The following PCLO variants were observed in gnomAD, a reference collection of about 807,000 sequenced individuals.
PCLO encodes piccolo presynaptic cytomatrix protein, also known as protein piccolo.
PCLO carries 82 observed loss-of-function variants against 427.5 expected under a neutral mutation model. That is an observed-to-expected ratio of 0.19 (90% CI 0.16 to 0.23). The LOEUF is 0.23. PCLO is among the 10% of genes least tolerant of loss of function. PCLO has a pLI of 1.00. For synonymous variants in PCLO, 2,357 were observed against 2,155.4 expected (o/e 1.09, Z -2.59); for missense variants, 6,239 against 6,115.9 (o/e 1.02, Z -0.67).
chr7:83,036,184 C>A (rs1240120148), intron 3 of PCLO, among the ~76,000 whole-genome samples: 2 of 152,144 alleles, frequency 1.3e-5, no homozygotes, highest in Non-Finnish European at 2.9e-5. Flanking sequence ...TTACAAAACA[C>A]CTTCTTAGCA....
intron 3 of PCLO, among the ~76,000 whole-genome samples, chr7:83,022,760 T>A (rs578159932): frequency 2.6e-5 from 4 of 151,504 alleles, no homozygotes; most frequent in Admixed American, 6.6e-5. Context: ...TAGAAAAGGT[T>A]ATAGCACATT....
chr7:82,813,727 T>C (rs901455983), intron 20 of PCLO, among the ~76,000 whole-genome samples: 11 of 151,824 alleles, frequency 7.2e-5, no homozygotes, highest in Non-Finnish European at 1.3e-4. Flanking sequence ...TATCAGCAAA[T>C]GTATGTAAAA....
chr7:82,879,371 C>T lies in PCLO; in HGVS notation c.13620G>A (p.Gly4540=), dbSNP rs1394002008. The T allele has an allele frequency of 1.2e-6, 2 of 1,612,584 alleles. No homozygotes were observed. Among genetic ancestry groups the T allele is most frequent in the Non-Finnish European group, 1.7e-6 (2 of 1,179,078 alleles). ...IGAYIAKILP[G]GSAEQTGKLM... is the part of the protein sequence containing the mutation. ...GCTTCCCCGTCTGTTCCGCACTTCC[C>T]CCAGGAAGAATCTTGGCAATATAGG... Residue 4540 remains glycine, a synonymous_variant, in exon 10 of 25, where the codon GGG becomes GGA. Transcript: ENST00000333891.
At chr7:82,946,476 G>C (rs934653955) in intron 6 of PCLO, among the ~76,000 whole-genome samples, 2 of 152,146 alleles carry the variant, frequency 1.3e-5, no homozygotes, top group African/African-American at 2.4e-5. Context: ...CAGAAATAGA[G>C]ATTTATAGTA....
chr7:83,134,595 T>C lies in PCLO; in HGVS notation c.2955A>G (p.Gln985=), dbSNP rs188754490. Residue 985 remains glutamine, a synonymous_variant, in exon 3 of 25, where the codon CAA becomes CAG. Transcript: ENST00000333891. ...TSQGPPKSTG[Q]APPAPAKSIP... ...TACTTTTTGCAGGTGCTGGTGGTGC[T>C]TGACCTGTGGATTTGGGTGGCCCTT... 5.3e-5 allele frequency: 86 copies of C among 1,613,930 alleles called. No individual in the cohort carries two copies. In the East Asian group the frequency reaches 1.6e-3, roughly 30 times the overall value.
rs1273886292 is a variant in PCLO at position 83,097,027 on chromosome 7, TAAATA to T, written c.3300+37218_3300+37222del. On this transcript the variant is annotated intron_variant, in intron 3 of 24. Transcript: ENST00000333891. ...TAAATAATATATATTATATATTATA[TAAATA>T]TATATTATATATTATATAAATATAT... Among the ~76,000 whole-genome samples the T allele has an allele frequency of 2.6e-3, 98 of 38,154 alleles. 8 individuals are homozygous for T. Among genetic ancestry groups the T allele is most frequent in the Non-Finnish European group, 3.1e-3 (70 of 22,338 alleles). The allele number at this position is 38,154 out of a possible 152,430, so 25.0% of individuals were successfully genotyped here.
intron 8 of PCLO, among the ~76,000 whole-genome samples, 159 bp from the exon 9 acceptor site, chr7:82,902,900 C>G (rs1794083749): frequency 6.6e-6 from 1 of 152,000 alleles, no homozygotes. Context: ...TACACTAACA[C>G]TATATAATGA....
At chr7:82,972,297 A>T (rs1352919761) in intron 3 of PCLO, among the ~76,000 whole-genome samples, 1 of 152,002 alleles carries the variant, frequency 6.6e-6, no homozygotes, top group African/African-American at 2.4e-5. Context: ...AAACCCAGAG[A>T]AGGGATGCTA....
At chr7:82,773,388 G>A (rs1048299462) in intron 22 of PCLO, among the ~76,000 whole-genome samples, 2 of 152,146 alleles carry the variant, frequency 1.3e-5, no homozygotes, top group African/African-American at 4.8e-5. Flanking sequence ...GAGTGAACCT[G>A]TGAAGACCTC....
chr7:83,162,380 G>T lies in PCLO; in HGVS notation c.213C>A (p.Val71=). 1.2e-6 allele frequency: 2 copies of T among 1,600,502 alleles called. No individual in the cohort carries two copies. The highest frequency in any genetic ancestry group is 1.3e-5 in the African/African-American group (1 of 74,844). The change falls in exon 1 of 25, where the codon GTC becomes GTA. Residue 71 remains valine (V), a synonymous_variant. Transcript: ENST00000333891. Reference sequence around the variant, plus strand: ...AAGGCGACTCCGCAGCGGCCGGGGGGACGCTTCCCTTGGGCAGCCCCTGCG... The same window carrying T: ...AAGGCGACTCCGCAGCGGCCGGGGGTACGCTTCCCTTGGGCAGCCCCTGCG... ...SRAQGLPKGS[V]PPAAAESPSM...
At chr7:83,031,712 A>ATC (rs35232098) in intron 3 of PCLO, among the ~76,000 whole-genome samples, 3,533 of 142,558 alleles carry the variant, frequency 0.025, 144 homozygotes, top group African/African-American at 0.084. Context: ...ATGAGTCTTA[A>ATC]TCTCTCTCTC....
chr7:82,940,383 T>G (rs1279434358), intron 6 of PCLO, among the ~76,000 whole-genome samples: 1 of 152,200 alleles, frequency 6.6e-6, no homozygotes, highest in Non-Finnish European at 1.5e-5. Flanking sequence ...CTTGATGAAG[T>G]TTTTGAAGCT....
intron 6 of PCLO, among the ~76,000 whole-genome samples, chr7:82,943,937 C>A (rs1795141925): frequency 6.6e-6 from 1 of 151,784 alleles, no homozygotes; most frequent in Non-Finnish European, 1.5e-5. Flanking sequence ...GCGGGTGGAT[C>A]ACCTGAGGTC....
At chr7:83,130,661 G>A (rs1312278622) in intron 3 of PCLO, among the ~76,000 whole-genome samples, 1 of 152,106 alleles carries the variant, frequency 6.6e-6, no homozygotes, top group Non-Finnish European at 1.5e-5. Context: ...GTAAAAGGAA[G>A]ATATGTGTTT....
intron 22 of PCLO, among the ~76,000 whole-genome samples, chr7:82,789,405 A>T (rs2129468362): frequency 6.6e-6 from 1 of 152,294 alleles, no homozygotes; most frequent in South Asian, 2.1e-4. Context: ...ATCTATATAA[A>T]GCTAAGAAAG....
chr7:82,953,305 C>T lies in PCLO; in HGVS notation c.7648G>A (p.Ala2550Thr). The T allele has an allele frequency of 6.2e-7, 1 of 1,613,696 alleles. No homozygotes were observed. ...SSMTLNLVTS[A>T]DYKLPSPTSP... is the part of the protein sequence containing the mutation. ...GTAGGGGAAGGCAATTTATAATCTG[C>T]TGAAGTCACTAAATTTAAGGTCATA... is the stretch of plus-strand genomic sequence containing the variant. Residue 2550 changes from alanine to threonine, a missense_variant, in exon 5 of 25, where the codon GCA (alanine) becomes ACA (threonine). Physicochemically the swap from Ala to Thr is moderately conservative, Grantham distance 58 (BLOSUM62 0). Transcript: ENST00000333891.
At chr7:83,148,761 CAT>C (rs71696166) in intron 2 of PCLO, among the ~76,000 whole-genome samples, 29,688 of 152,048 alleles carry the variant, frequency 0.2, 3,077 homozygotes, top group African/African-American at 0.26. Flanking sequence ...TCTGTCAGTT[CAT>C]ATATGTCATT....
intron 3 of PCLO, among the ~76,000 whole-genome samples, chr7:83,043,912 C>CTTTTTTTTTTTTTTTTTTTTTTT (rs869061778): frequency 1.1e-4 from 10 of 94,910 alleles, no homozygotes; most frequent in East Asian, 8.5e-4. Flanking sequence ...CTATTATTTT[C>CTTTTTTTTTTTTTTTTTTTTTTT]TTTTTTTTTT....
At chr7:83,122,484 C>T (rs945865011) in intron 3 of PCLO, among the ~76,000 whole-genome samples, 8 of 151,988 alleles carry the variant, frequency 5.3e-5, no homozygotes, top group African/African-American at 1.9e-4. Flanking sequence ...GAGTGTTTCA[C>T]CATGTTGGCT....
Sources: gnomAD v4.1 joint callset for allele counts (sites outside exome capture counted in the v4.1 genomes callset) on GRCh38, gnomAD v4.1.1 for gene constraint, MANE v1.5 for transcripts, NCBI Gene and HGNC (gene_info 2026-07-23, HGNC 2026-07-21) for gene names.